The following MSH3 variants were observed in gnomAD, a reference collection of about 807,000 sequenced individuals.
MSH3 encodes the protein DNA mismatch repair protein Msh3.
A neutral mutation model predicts 123.3 loss-of-function variants in MSH3; 106 were observed. The ratio of observed to expected loss-of-function variants is 0.86; its 90% confidence interval spans 0.73 to 1.01. MSH3 has a LOEUF of 1.01. Among genes scored for constraint, MSH3 ranks in the 50% least tolerant of loss-of-function variants. The pLI, the probability that MSH3 is intolerant of heterozygous loss-of-function variation, is 0.00. For synonymous variants in MSH3, 515 were observed against 481.4 expected (o/e 1.07, Z -0.91); for missense variants, 1,459 against 1,347.6 (o/e 1.08, Z -1.29).
intron 22 of MSH3, among the ~76,000 whole-genome samples, chr5:80,868,084 C>A (rs1420836936): frequency 6.6e-6 from 1 of 152,076 alleles, no homozygotes; most frequent in East Asian, 1.9e-4. Context: ...CTTCTCACAC[C>A]AGTCAGAATA....
intron 21 of MSH3, among the ~76,000 whole-genome samples, chr5:80,861,996 G>T (rs1011547625): frequency 6.6e-6 from 1 of 152,096 alleles, no homozygotes; most frequent in Non-Finnish European, 1.5e-5. Flanking sequence ...AAACTTCCCT[G>T]ACCTTTTTAT....
chr5:80,708,846 T>A (rs1750778046), intron 8 of MSH3, among the ~76,000 whole-genome samples: 1 of 152,010 alleles, frequency 6.6e-6, no homozygotes, highest in South Asian at 2.1e-4. Context: ...AGGATCTTGA[T>A]TCACTTCAAC....
At chr5:80,724,997 A>T (rs906179122) in intron 8 of MSH3, among the ~76,000 whole-genome samples, 2 of 151,926 alleles carry the variant, frequency 1.3e-5, no homozygotes, top group African/African-American at 4.8e-5. Flanking sequence ...GGCGGATCAC[A>T]ATGTCAGGAG....
intron 21 of MSH3, among the ~76,000 whole-genome samples, chr5:80,856,543 G>T (rs1392790144): frequency 4.5e-5 from 5 of 111,576 alleles, no homozygotes; most frequent in Non-Finnish European, 8.5e-5. Flanking sequence ...ACAAACTGGG[G>T]CCTGTTGTGG....
chr5:80,661,796 T>C (rs145521151), intron 2 of MSH3, among the ~76,000 whole-genome samples: 407 of 152,366 alleles, frequency 2.7e-3, no homozygotes, highest in African/African-American at 9.4e-3. Context: ...CTTTAGAGTG[T>C]TGGACTCTGT....
At chr5:80,727,969 G>GT (rs1743333907) in intron 9 of MSH3, among the ~76,000 whole-genome samples, 1 of 152,136 alleles carries the variant, frequency 6.6e-6, no homozygotes, top group Non-Finnish European at 1.5e-5. Context: ...AGAGACAACA[G>GT]TAAGTACAAA....
chr5:80,725,352 A>T, intron 8 of MSH3, 101 bp from the exon 9 acceptor site: 1 of 795,620 alleles, frequency 1.3e-6, no homozygotes, highest in East Asian at 2.7e-5. Flanking sequence ...AATAAGGAAT[A>T]AATCTTTATC....
At chr5:80,827,778 G>T (rs1745345379) in intron 20 of MSH3, among the ~76,000 whole-genome samples, 1 of 152,162 alleles carries the variant, frequency 6.6e-6, no homozygotes, top group Admixed American at 6.5e-5. Flanking sequence ...CTGAAGGTTT[G>T]GTTTGATTTG....
Position 80,725,456 on chromosome 5 carries a change from G to A in MSH3, c.1344G>A (p.Val448=). Residue 448 remains valine, a synonymous_variant, in exon 9 of 24, where the codon GTG becomes GTA. Coordinates refer to ENST00000265081, the MANE Select transcript of MSH3 (RefSeq NM_002439.5). ...AAATTTTCCTTTTTTCTTTCAGTGT[G>A]CAGGATGACAGAATTCGAGTCGAAA... The part of the protein sequence containing the change: ...ALIHRATSVS[V]QDDRIRVERM... The A allele has an allele frequency of 6.2e-7, 1 of 1,611,206 alleles. No homozygotes were observed. Among genetic ancestry groups the A allele is most frequent in the Non-Finnish European group, 8.5e-7 (1 of 1,177,974 alleles).
intron 17 of MSH3, 53 bp downstream of exon 17, chr5:80,778,889 T>G: frequency 9.7e-7 from 1 of 1,026,086 alleles, no homozygotes; most frequent in Non-Finnish European, 1.5e-6. Context: ...AGAAACAGAC[T>G]GGAAAAATCT....
chr5:80,787,207 A>T (rs186617817), intron 17 of MSH3, among the ~76,000 whole-genome samples: 2 of 152,336 alleles, frequency 1.3e-5, no homozygotes, highest in Non-Finnish European at 2.9e-5. Context: ...AGGGAAGCTG[A>T]TCCACATGAA....
At chr5:80,669,297 T>C (rs562015438) in intron 3 of MSH3, among the ~76,000 whole-genome samples, 1 of 152,308 alleles carries the variant, frequency 6.6e-6, no homozygotes, top group East Asian at 1.9e-4. Context: ...TCACTAGATT[T>C]TTAGGCCATA....
chr5:80,768,483 G>A (rs958610110), intron 14 of MSH3, among the ~76,000 whole-genome samples: 4 of 152,078 alleles, frequency 2.6e-5, no homozygotes, highest in African/African-American at 4.8e-5. Context: ...ATCTGTAAAA[G>A]CAAAGTTATC....
At chr5:80,808,884 C>CATATATATATATATATATATATATAT (rs1486551716) in intron 19 of MSH3, among the ~76,000 whole-genome samples, 5 of 118,674 alleles carry the variant, frequency 4.2e-5, no homozygotes, top group Non-Finnish European at 8.8e-5. Flanking sequence ...TATATATATA[C>CATATATATATATATATATATATATAT]ACAATCTAAA....
intron 20 of MSH3, among the ~76,000 whole-genome samples, chr5:80,834,345 T>C (rs1745472435): frequency 6.6e-6 from 1 of 150,658 alleles, no homozygotes; most frequent in African/African-American, 2.4e-5. Flanking sequence ...ATATTAAATA[T>C]TTTATATTAA....
rs1746253887 is a variant in MSH3, at chr5:80,873,277, A to C, written c.3292A>C (p.Asn1098His). The C allele has an allele frequency of 6.2e-7, 1 of 1,613,820 alleles. No individual in the cohort carries two copies. The highest frequency in any genetic ancestry group is 1.1e-5 in the South Asian group (1 of 91,082). ...GTCAAAAGAGCTGGAAGGATTAATA[A>C]ATACGAAAAGGTCAGAGTGATTATG... Reference protein sequence around the residue: ...HKSKELEGLINTKRKRLKYFA... With the variant: ...HKSKELEGLIHTKRKRLKYFA... Residue 1098 changes from asparagine to histidine, a missense_variant, in exon 23 of 24, where the codon AAT becomes CAT. Asn to His is a moderately conservative substitution (Grantham distance 68). Transcript: ENST00000265081.
intron 9 of MSH3, among the ~76,000 whole-genome samples, chr5:80,727,866 C>A (rs1428225581): frequency 6.6e-6 from 1 of 151,874 alleles, no homozygotes; most frequent in African/African-American, 2.4e-5. Flanking sequence ...GAAGGCCTCA[C>A]TGAGAAACAG....
intron 10 of MSH3, among the ~76,000 whole-genome samples, chr5:80,738,269 T>A (rs1377645427): frequency 6.6e-6 from 1 of 152,204 alleles, no homozygotes; most frequent in Non-Finnish European, 1.5e-5. Flanking sequence ...TAATTCAAAC[T>A]GAATTCTGCC....
At position 80,694,189 on chromosome 5, in the gene MSH3, C is replaced by T. The variant is rs1188627334; in HGVS notation, c.1340+15096C>T. ...TGTAAAATTAAACCCTACTTCAGAC[C>T]ATACAGAAAATTTCAGTTGGAAAAT... is the stretch of plus-strand genomic sequence containing the variant. On this transcript the variant is annotated intron_variant, in intron 8 of 23. Coordinates refer to ENST00000265081, the MANE Select transcript of MSH3 (RefSeq NM_002439.5). 3.3e-5 allele frequency among the ~76,000 whole-genome samples: 5 copies of T among 152,090 alleles called. No homozygotes were observed. In the East Asian group the frequency reaches 9.6e-4, roughly 29 times the overall value.
Sources: allele counts gnomAD v4.1 joint callset (sites outside exome capture counted in the v4.1 genomes callset), GRCh38; gene constraint gnomAD v4.1.1; transcripts MANE v1.5; gene names NCBI Gene and HGNC (gene_info 2026-07-23, HGNC 2026-07-21).